ALDH4A1: variants seen among roughly 807,000 people sequenced by gnomAD.
The protein encoded by ALDH4A1 is aldehyde dehydrogenase 4 family member A1.
ALDH4A1 carries 46 observed loss-of-function variants against 70.5 expected under a neutral mutation model. The observed-to-expected ratio is 0.65, with a 90% CI of 0.51 to 0.83. ALDH4A1 has a LOEUF of 0.83. ALDH4A1 is among the 40% of genes least tolerant of loss of function. ALDH4A1 has a pLI of 0.00. For synonymous variants in ALDH4A1, 323 were observed against 324.3 expected, an observed-to-expected ratio of 1.00 and a Z score of 0.04; for missense variants, 749 against 766.5, an observed-to-expected ratio of 0.98 and a Z score of 0.27.
intron 1 of ALDH4A1, among the ~76,000 whole-genome samples, chr1:18,895,095 G>A (rs1295705601): frequency 6.6e-6 from 1 of 152,110 alleles, no homozygotes; most frequent in Non-Finnish European, 1.5e-5. Context: ...ATTGGATCAG[G>A]TCAATAACAG....
chr1:18,890,890 A>C, intron 1 of ALDH4A1: 7 of 985,430 alleles, frequency 7.1e-6, no homozygotes, highest in Non-Finnish European at 8.4e-6. Context: ...TCCCCTTGGC[A>C]CAAAGGGCTG....
In ALDH4A1 at chr1:18,875,377, C is replaced by G. The variant is rs1366060186; in HGVS notation, c.1460+5G>C. ...CAGCACCAGGGCTGCGGCCTGGCCA[C>G]TCACTTATCCTGGGAGAACACTGCC... On this transcript the variant is annotated splice_donor_5th_base_variant and intron_variant, in intron 13 of 14. Coordinates refer to ENST00000375341, the MANE Select transcript of ALDH4A1 (RefSeq NM_003748.4). The G allele has an allele frequency of 6.2e-7, 1 of 1,614,014 alleles. No individual in the cohort carries two copies. Among genetic ancestry groups the G allele is most frequent in the Non-Finnish European group, 8.5e-7 (1 of 1,180,030 alleles).
chr1:18,881,825 G>A lies in ALDH4A1; in HGVS notation c.741C>T (p.Arg247=), dbSNP rs533750562. Residue 247 remains arginine (R), a synonymous_variant, in exon 8 of 15, where the codon CGC becomes CGT. Coordinates refer to ENST00000375341, the MANE Select transcript of ALDH4A1 (RefSeq NM_003748.4). ...TAMLASYAVY[R]ILREAGLPPN... ...GGGGCAGGCCAGCCTCCCGAAGGATGCGGTAGACAGCATAGCTGGCCAGCA... is the reference window on the plus strand; with the variant it reads ...GGGGCAGGCCAGCCTCCCGAAGGATACGGTAGACAGCATAGCTGGCCAGCA... The A allele has an allele frequency of 5.8e-5, 94 of 1,613,954 alleles. No homozygotes were observed. The highest frequency in any genetic ancestry group is 7.6e-5 in the Non-Finnish European group (90 of 1,180,040).
chr1:18,881,666 GCCA>G, intron 8 of ALDH4A1, 31 bp downstream of exon 8: 1 of 1,612,944 alleles, frequency 6.2e-7, no homozygotes, highest in East Asian at 2.2e-5. Flanking sequence ...ACGTCCCCTA[GCCA>G]CCACAGCCTA....
At position 18,898,715 on chromosome 1, in the gene ALDH4A1, G is replaced by T. The variant is rs1935703111; in HGVS notation, c.62+3747C>A. ...GTAACCTGCCCGGGGCCACAGAGCT[G>T]CCAAGAGTTGGAGCCAGGATCCAAG... On this transcript the variant is annotated intron_variant, in intron 1 of 14. Coordinates refer to ENST00000375341, the MANE Select transcript of ALDH4A1 (RefSeq NM_003748.4). This position sits in a 1 kb window ranked among gnomAD's most constrained non-coding sequence, Gnocchi z 4.3. Among the ~76,000 whole-genome samples the T allele has an allele frequency of 6.6e-6, 1 of 152,184 alleles. No individual in the cohort carries two copies. Among genetic ancestry groups the T allele is most frequent in the Admixed American group, 6.5e-5 (1 of 15,286 alleles).
rs768549906 is a variant in ALDH4A1 at position 18,876,414 on chromosome 1, G to A, written c.1239C>T (p.Leu413=). 3 of 1,612,324 alleles carry A rather than the reference G, an allele frequency of 1.9e-6. No individual in the cohort carries two copies. The highest frequency in any genetic ancestry group is 1.7e-5 in the Admixed American group (1 of 59,920). ...WLEHARSSPS[L]TILAGGKCDD... ...CACACTTGCCCCCGGCCAGGATGGT[G>A]AGGCTGGGTGAGGAGCGTGCGTGCT... Residue 413 remains leucine, a synonymous_variant, in exon 12 of 15, where the codon CTC becomes CTT. Coordinates refer to ENST00000375341, the MANE Select transcript of ALDH4A1 (RefSeq NM_003748.4).
rs1934910512 is a variant in ALDH4A1, at chr1:18,880,159, C to G, written c.867-786G>C. Among the ~76,000 whole-genome samples the G allele has an allele frequency of 6.6e-6, 1 of 152,158 alleles. No homozygotes were observed. Among genetic ancestry groups the G allele is most frequent in the South Asian group, 2.1e-4 (1 of 4,834 alleles). On this transcript the variant is annotated intron_variant, in intron 8 of 14. Transcript: ENST00000375341. The surrounding 1 kb of genome is among the most constrained non-coding windows in gnomAD (Gnocchi z 5.1). Reference sequence around the variant, plus strand: ...CTCAGCAGTTCTAACGCTGCCACCACCCACTCCCACCCCCAGCAAAGCTGC... The same window carrying G: ...CTCAGCAGTTCTAACGCTGCCACCAGCCACTCCCACCCCCAGCAAAGCTGC...
intron 9 of ALDH4A1, among the ~76,000 whole-genome samples, chr1:18,878,409 C>T (rs775343928): frequency 9.2e-5 from 14 of 152,250 alleles, no homozygotes; most frequent in Admixed American, 5.9e-4. Context: ...CCCTGAGGAG[C>T]GCTCACCTTC....
At chr1:18,900,950 T>C in intron 1 of ALDH4A1, 1 of 974,704 alleles carries the variant, frequency 1.0e-6, no homozygotes, top group Non-Finnish European at 1.2e-6. Flanking sequence ...TTTTAGAATA[T>C]GGATTGCTTT....
chr1:18,881,878 C>T lies in ALDH4A1; in HGVS notation c.688G>A (p.Val230Ile). 2 of 1,613,442 alleles carry T rather than the reference C, an allele frequency of 1.2e-6. No homozygotes were observed. The highest frequency in any genetic ancestry group is 1.7e-4 in the Middle Eastern group (1 of 6,016). ...AGAPALMGNV[V>I]LWKPSDTAML... is the part of the protein sequence containing the mutation. ...GCAGTGTCACTGGGCTTCCATAGGA[C>T]CACGTTGCCCTGCCCGGGAGGTGTT... Residue 230 changes from valine (V) to isoleucine (I), a missense_variant, in exon 8 of 15, where the codon GTC becomes ATC. Coordinates refer to ENST00000375341, the MANE Select transcript of ALDH4A1 (RefSeq NM_003748.4).
intron 5 of ALDH4A1, 35 bp downstream of exon 5, chr1:18,885,438 C>CCCCCCCCCCCCCCCCCCCCCCCCCCCCCA: frequency 1.6e-6 from 1 of 636,248 alleles, no homozygotes; most frequent in Non-Finnish European, 2.9e-6. Flanking sequence ...CCCACCCCAC[C>CCCCCCCCCCCCCCCCCCCCCCCCCCCCCA]CCGCCCCACC....
At chr1:18,885,695 G>A (rs919259096) in intron 4 of ALDH4A1, 67 bp from the exon 5 acceptor site, 3 of 1,605,784 alleles carry the variant, frequency 1.9e-6, no homozygotes, top group African/African-American at 2.7e-5. Flanking sequence ...AGTGAGCGAG[G>A]GAGGAGAGAC....
intron 14 of ALDH4A1, among the ~76,000 whole-genome samples, 189 bp from the exon 15 acceptor site, chr1:18,873,146 G>T (rs546229456): frequency 6.6e-6 from 1 of 152,238 alleles, no homozygotes; most frequent in African/African-American, 2.4e-5. Context: ...CCAGTCTGTG[G>T]GGAGCCTCCA....
At chr1:18,885,827 C>A (rs1220230711) in intron 4 of ALDH4A1, among the ~76,000 whole-genome samples, 199 bp from the exon 5 acceptor site, 2 of 152,184 alleles carry the variant, frequency 1.3e-5, no homozygotes, top group Admixed American at 1.3e-4. Flanking sequence ...CAGTCTGAAG[C>A]CTGAAGGGCC....
chr1:18,892,839 C>G (rs990411615), intron 1 of ALDH4A1, among the ~76,000 whole-genome samples: 2 of 152,072 alleles, frequency 1.3e-5, no homozygotes, highest in Non-Finnish European at 2.9e-5. Context: ...GATTTGATAA[C>G]GATAAATACA....
chr1:18,875,469 T>C lies in ALDH4A1; in HGVS notation c.1373A>G (p.Tyr458Cys). Residue 458 changes from tyrosine to cysteine, a missense_variant, in exon 13 of 15, where the codon TAC becomes TGC. Transcript: ENST00000375341. The stretch of plus-strand genomic sequence containing the variant: ...CGTCTCCTTGTACTTGTCATCCGGG[T>C]AGACGTACACAGACAGTACAGGCCC... ...IFGPVLSVYV[Y>C]PDDKYKETLQ... is the part of the protein sequence containing the mutation. 1.2e-6 allele frequency: 2 copies of C among 1,614,064 alleles called. No homozygotes were observed. Among genetic ancestry groups the C allele is most frequent in the Non-Finnish European group, 1.7e-6 (2 of 1,179,984 alleles).
At position 18,877,453 on chromosome 1, in the gene ALDH4A1, C is replaced by T. The variant is rs781564812; in HGVS notation, c.1100G>A (p.Arg367Gln). The change falls in exon 10 of 15, where the codon CGG (arginine) becomes CAG (glutamine). Residue 367 changes from arginine to glutamine, a missense_variant. Arg to Gln is a conservative substitution (Grantham distance 43). Transcript: ENST00000375341. ...GATCCGACTGTGCTCCTCCAGCAGC[C>T]GCCCTTTGATCTGCGGCCACAGCGA... ...PHSLWPQIKG[R>Q]LLEEHSRIKV... 6.3e-7 allele frequency: 1 copy of T among 1,591,310 alleles called. No homozygotes were observed. The highest frequency in any genetic ancestry group is 1.1e-5 in the South Asian group (1 of 87,996).
At chr1:18,895,506 A>G (rs1935587679) in intron 1 of ALDH4A1, among the ~76,000 whole-genome samples, 1 of 152,210 alleles carries the variant, frequency 6.6e-6, no homozygotes, top group African/African-American at 2.4e-5. Flanking sequence ...AAGGCCATGC[A>G]CCATTTCACC....
intron 9 of ALDH4A1, among the ~76,000 whole-genome samples, chr1:18,878,207 C>G (rs952708055): frequency 6.6e-6 from 1 of 152,204 alleles, no homozygotes; most frequent in Non-Finnish European, 1.5e-5. Context: ...CAACTCTGGA[C>G]GAAGTACGCT....
Sources: allele counts gnomAD v4.1 joint callset (sites outside exome capture counted in the v4.1 genomes callset), GRCh38; gene constraint gnomAD v4.1.1; non-coding constraint Gnocchi (gnomAD v3.1); transcripts MANE v1.5; gene names NCBI Gene and HGNC (gene_info 2026-07-23, HGNC 2026-07-21).